LOXHD1: variants seen among roughly 807,000 people sequenced by gnomAD.
The protein encoded by LOXHD1 is lipoxygenase homology PLAT domains 1.
In LOXHD1, 205 loss-of-function variants were observed where a neutral mutation model predicts 248.2. The ratio of observed to expected loss-of-function variants is 0.83; its 90% CI spans 0.74 to 0.93. The LOEUF (loss-of-function observed/expected upper bound fraction) is 0.93. Ranked by LOEUF, LOXHD1 falls within the 40% of genes least tolerant of loss-of-function variation. The pLI is 0.00. For synonymous variants in LOXHD1, 1,113 were observed against 1,162.8 expected (o/e 0.96, Z 0.87); for missense variants, 2,930 against 2,971.6 (o/e 0.99, Z 0.33).
chr18:46,542,972 T>C, intron 23 of LOXHD1, 117 bp from the exon 24 acceptor site: 3 of 1,411,460 alleles, frequency 2.1e-6, no homozygotes, highest in South Asian at 2.6e-5. Flanking sequence ...CCACCAAATT[T>C]AGACTGTGCA....
chr18:46,574,230 TCA>T (rs1951767032), intron 14 of LOXHD1, among the ~76,000 whole-genome samples: 1 of 152,112 alleles, frequency 6.6e-6, no homozygotes, highest in Admixed American at 6.5e-5. Flanking sequence ...CTAAATACTT[TCA>T]GGGTATTAAT....
rs2036569820 is a variant in LOXHD1 at position 46,541,779 on chromosome 18, G to C, written c.3910C>G (p.Pro1304Ala). The change falls in exon 25 of 41, where the codon CCA (proline) becomes GCA (alanine). Residue 1304 changes from proline to alanine, a missense_variant. Coordinates refer to ENST00000642948, the MANE Select transcript of LOXHD1 (RefSeq NM_001384474.1). ...HAELQTRLYT[P>A]FVPYEITLYT... ...CCTTGCCGTGTGTGGTTCCTACATG[G>C]TGTGTACAGCCTCGTCTGAAGCTCT... is the stretch of plus-strand genomic sequence containing the variant. The C allele has an allele frequency of 1.3e-6, 2 of 1,551,706 alleles. No individual in the cohort carries two copies. The highest frequency in any genetic ancestry group is 1.4e-5 in the African/African-American group (1 of 73,172).
In LOXHD1 at chr18:46,489,656, C is replaced by T. The variant is rs553211994; in HGVS notation, c.5879-514G>A. Reference sequence around the variant, plus strand: ...TTCCCTGATGTCCCCTGATCACCTGCTAGGCCTGCATCAGGTGTTCTCCAT... The same window carrying T: ...TTCCCTGATGTCCCCTGATCACCTGTTAGGCCTGCATCAGGTGTTCTCCAT... On this transcript the variant is annotated intron_variant, in intron 37 of 40. Coordinates refer to ENST00000642948, the MANE Select transcript of LOXHD1 (RefSeq NM_001384474.1). 5.9e-5 allele frequency among the ~76,000 whole-genome samples: 9 copies of T among 152,276 alleles called. No individual in the cohort carries two copies. The South Asian group carries it at 1.0e-3, about 18-fold the overall frequency.
intron 11 of LOXHD1, among the ~76,000 whole-genome samples, chr18:46,592,276 C>CA (rs1390828808): frequency 7.5e-5 from 4 of 53,618 alleles, no homozygotes; most frequent in Admixed American, 1.3e-4. Flanking sequence ...GGGCAGAATG[C>CA]AAGCCCCCCA....
intron 5 of LOXHD1, among the ~76,000 whole-genome samples, chr18:46,617,608 C>A (rs1188740509): frequency 6.6e-6 from 1 of 151,340 alleles, no homozygotes; most frequent in South Asian, 2.1e-4. Flanking sequence ...ACAAAATTCA[C>A]ATGTCTTTGT....
At chr18:46,598,706 T>C (rs1260702754) in intron 8 of LOXHD1, among the ~76,000 whole-genome samples, 1 of 152,176 alleles carries the variant, frequency 6.6e-6, no homozygotes, top group East Asian at 1.9e-4. Context: ...CCACTTATAA[T>C]AGTAACAAAA....
intron 17 of LOXHD1, among the ~76,000 whole-genome samples, chr18:46,565,383 C>A (rs1452276744): frequency 2.0e-5 from 3 of 152,230 alleles, no homozygotes; most frequent in African/African-American, 4.8e-5. Flanking sequence ...CATTGCTAAC[C>A]CTTTATCCTG....
chr18:46,557,246 C>T, intron 21 of LOXHD1, 110 bp downstream of exon 21: 1 of 1,366,548 alleles, frequency 7.3e-7, no homozygotes, highest in Non-Finnish European at 1.0e-6. Context: ...CACCCTCACC[C>T]TCCACCGTCA....
chr18:46,494,978 C>T (rs762375761), intron 37 of LOXHD1, among the ~76,000 whole-genome samples: 7 of 151,382 alleles, frequency 4.6e-5, no homozygotes, highest in Admixed American at 2.0e-4. Flanking sequence ...CTCAGACTCC[C>T]GAGTAGCTGG....
At chr18:46,577,614 G>T (rs2037882808) in intron 14 of LOXHD1, 93 bp downstream of exon 14, 3 of 1,410,092 alleles carry the variant, frequency 2.1e-6, no homozygotes, top group African/African-American at 2.9e-5. Context: ...CCACTGTTTT[G>T]CTTGCTGGTC....
chr18:46,619,200 A>T (rs1555686998), intron 4 of LOXHD1, among the ~76,000 whole-genome samples: 17 of 152,058 alleles, frequency 1.1e-4, no homozygotes, highest in Non-Finnish European at 2.5e-4. Context: ...GTGGCTTCAT[A>T]TTTTTTATGT....
chr18:46,574,584 A>G (rs1439976711), intron 14 of LOXHD1, among the ~76,000 whole-genome samples: 1 of 150,762 alleles, frequency 6.6e-6, no homozygotes, highest in Non-Finnish European at 1.5e-5. Context: ...CCATCACTAC[A>G]TGTGTCAGCA....
intron 8 of LOXHD1, among the ~76,000 whole-genome samples, chr18:46,597,929 AT>A (rs10711303): frequency 0.098 from 13,721 of 140,006 alleles, 937 homozygotes; most frequent in African/African-American, 0.2. Context: ...AATTTTTTGC[AT>A]TTTTTTTTTT....
At chr18:46,575,738 T>C (rs2037841099) in intron 14 of LOXHD1, among the ~76,000 whole-genome samples, 1 of 152,116 alleles carries the variant, frequency 6.6e-6, no homozygotes, top group Non-Finnish European at 1.5e-5. Flanking sequence ...AGACATTATG[T>C]TTCTGTCATT....
chr18:46,521,086 G>GC lies in LOXHD1; in HGVS notation c.5271+10dup, dbSNP rs571081471. On this transcript the variant is annotated intron_variant, in intron 33 of 40. Transcript: ENST00000642948. ...TGGCCATGCACTGCACACTCACAGT[G>GC]CCCCCCCTACCTTCACCCCAATGTT... The GC allele has an allele frequency of 3.6e-4, 558 of 1,550,734 alleles. No individual in the cohort carries two copies. The highest frequency in any genetic ancestry group is 4.4e-4 in the Non-Finnish European group (499 of 1,146,534).
chr18:46,525,026 G>A (rs1218918288), intron 29 of LOXHD1, 109 bp from the exon 30 acceptor site: 4 of 1,274,884 alleles, frequency 3.1e-6, no homozygotes, highest in Non-Finnish European at 4.4e-6. Flanking sequence ...GCACTGAACA[G>A]ACCTTCTTTG....
chr18:46,577,257 A>G (rs368239210), intron 14 of LOXHD1, among the ~76,000 whole-genome samples: 12 of 152,356 alleles, frequency 7.9e-5, no homozygotes, highest in African/African-American at 2.9e-4. Flanking sequence ...TTATCTCATG[A>G]ATAAATTGCA....
chr18:46,575,658 C>T (rs1221142708), intron 14 of LOXHD1, among the ~76,000 whole-genome samples: 4 of 152,128 alleles, frequency 2.6e-5, no homozygotes, highest in Admixed American at 1.3e-4. Flanking sequence ...TCAGATCCTT[C>T]CCTAGCGCCT....
At chr18:46,543,393 C>T (rs576888855) in intron 23 of LOXHD1, among the ~76,000 whole-genome samples, 11 of 152,082 alleles carry the variant, frequency 7.2e-5, no homozygotes, top group Admixed American at 6.5e-4. Flanking sequence ...TGTGTATATA[C>T]ACCATATTTT....
Sources: gnomAD v4.1 joint callset for allele counts (sites outside exome capture counted in the v4.1 genomes callset) on GRCh38, gnomAD v4.1.1 for gene constraint, MANE v1.5 for transcripts, NCBI Gene and HGNC (gene_info 2026-07-23, HGNC 2026-07-21) for gene names.